Variants in ASCC3 observed in about 807,000 individuals in gnomAD.
ASCC3 encodes the protein ASC-1 complex subunit P200.
ASCC3 carries 158 observed loss-of-function variants against 256.3 expected under a neutral mutation model. The ratio of observed to expected loss-of-function variants is 0.62; its 90% CI spans 0.54 to 0.70. The LOEUF is 0.70. Among genes scored for constraint, ASCC3 ranks in the 30% least tolerant of loss-of-function variants. The pLI, the probability that ASCC3 is intolerant of heterozygous loss-of-function variation, is 0.00. For missense variants in ASCC3, 2,259 were observed against 2,626.0 expected, an observed-to-expected ratio of 0.86 and a Z score of 3.05; for synonymous variants, 948 against 883.4, an observed-to-expected ratio of 1.07 and a Z score of -1.30.
In ASCC3 at chr6:100,678,744, C is replaced by A. The variant is rs558518184; in HGVS notation, c.2286+874G>T. On this transcript the variant is annotated intron_variant, in intron 14 of 41. Transcript: ENST00000369162. ...AGCTTTAAATCAGGAAGTCAGCATA[C>A]TTTTTCTGCAAAGAAACAGAAAGTA... is the stretch of plus-strand genomic sequence containing the variant. 4.6e-5 allele frequency among the ~76,000 whole-genome samples: 7 copies of A among 152,130 alleles called. No homozygotes were observed. The East Asian group carries it at 1.4e-3, about 29-fold the overall frequency.
Position 100,509,499 on chromosome 6 carries a change from A to T in ASCC3, c.6496T>A (p.Tyr2166Asn). 1 of 1,613,906 alleles carries T rather than the reference A, an allele frequency of 6.2e-7. No individual in the cohort carries two copies. The highest frequency in any genetic ancestry group is 8.5e-7 in the Non-Finnish European group (1 of 1,179,724). ...IYTLYFMSDC[Y>N]LGLDQQYDIY... ...TCATACTGCTGGTCCAGGCCAAGGT[A>T]GCAGTCACTCATGAAATATAATGTG... Residue 2166 changes from tyrosine (Y) to asparagine (N), a missense_variant, in exon 42 of 42, where the codon TAC becomes AAC. By Grantham distance (143) the Tyr-to-Asn change is moderately radical. Coordinates refer to ENST00000369162, the MANE Select transcript of ASCC3 (RefSeq NM_006828.4).
intron 10 of ASCC3, among the ~76,000 whole-genome samples, chr6:100,736,809 C>T (rs190924100): frequency 1.1e-4 from 17 of 152,148 alleles, no homozygotes; most frequent in Admixed American, 9.2e-4. Flanking sequence ...GGCCTGGATC[C>T]TCATTTTTTC....
intron 2 of ASCC3, among the ~76,000 whole-genome samples, chr6:100,865,824 G>A (rs1190136965): frequency 6.6e-6 from 1 of 152,046 alleles, no homozygotes; most frequent in East Asian, 1.9e-4. Flanking sequence ...AATTGATAGA[G>A]CTTCAGGCCT....
At chr6:100,809,421 AG>A (rs1770351356) in intron 4 of ASCC3, among the ~76,000 whole-genome samples, 1 of 152,076 alleles carries the variant, frequency 6.6e-6, no homozygotes, top group South Asian at 2.1e-4. Flanking sequence ...ACATTAGCTT[AG>A]GCCTACATAA....
intron 13 of ASCC3, among the ~76,000 whole-genome samples, chr6:100,684,675 T>C (rs576785329): frequency 1.5e-4 from 23 of 152,296 alleles, no homozygotes; most frequent in Admixed American, 3.9e-4. Context: ...TGTGTATGTG[T>C]ATTTAACATC....
chr6:100,635,992 A>C (rs1419034314), intron 25 of ASCC3, among the ~76,000 whole-genome samples: 2 of 152,202 alleles, frequency 1.3e-5, no homozygotes, highest in Admixed American at 1.3e-4. Flanking sequence ...AATTGTAGAA[A>C]TCTTACAATG....
chr6:100,684,732 G>A (rs542481344), intron 13 of ASCC3, among the ~76,000 whole-genome samples: 2 of 151,890 alleles, frequency 1.3e-5, no homozygotes, highest in South Asian at 4.2e-4. Flanking sequence ...CTTTTTAAGG[G>A]GGTTGTGAAA....
intron 4 of ASCC3, among the ~76,000 whole-genome samples, chr6:100,823,162 T>C (rs1771135949): frequency 6.6e-6 from 1 of 152,184 alleles, no homozygotes; most frequent in African/African-American, 2.4e-5. Flanking sequence ...ATCCCAAAAT[T>C]ATGCTTCCCA....
intron 37 of ASCC3, among the ~76,000 whole-genome samples, chr6:100,539,280 G>A (rs1051818737): frequency 5.3e-5 from 8 of 152,050 alleles, no homozygotes; most frequent in Non-Finnish European, 8.8e-5. Flanking sequence ...TCAGATTCTA[G>A]TGTAGCATTA....
Position 100,608,159 on chromosome 6 carries a change from T to TA in ASCC3, c.4786-1072_4786-1071insT, listed in dbSNP as rs1582549549. On this transcript the variant is annotated intron_variant, in intron 30 of 41. Transcript: ENST00000369162. Reference sequence around the variant, plus strand: ...ATGTATATATATCTATATATACATATTTATATACATATTTATATATGTGTG... The same window carrying TA: ...ATGTATATATATCTATATATACATATATTATATACATATTTATATATGTGTG... 5.5e-4 allele frequency among the ~76,000 whole-genome samples: 68 copies of TA among 123,164 alleles called. 2 individuals are homozygous for TA. The highest frequency in any genetic ancestry group is 7.5e-4 in the Non-Finnish European group (46 of 61,536). The allele number at this position is 123,164 out of a possible 152,430, so 80.8% of individuals were successfully genotyped here. A position where few individuals can be genotyped will look rare whatever the true frequency, so the allele number is the denominator to read the frequency against.
In ASCC3 at chr6:100,572,008, T is replaced by A. The variant is rs902363344; in HGVS notation, c.5550+17626A>T. 3.3e-5 allele frequency among the ~76,000 whole-genome samples: 5 copies of A among 152,336 alleles called. 1 individual carries two copies. The South Asian group carries it at 8.3e-4, about 25-fold the overall frequency. On this transcript the variant is annotated intron_variant, in intron 36 of 41. Transcript: ENST00000369162. The stretch of plus-strand genomic sequence containing the variant: ...CACCACAAAAGATATAGCTCTGCAA[T>A]CTTTCTGCACATGGACTATTGACTC...
At chr6:100,870,617 G>GA (rs1384079598) in intron 1 of ASCC3, among the ~76,000 whole-genome samples, 1 of 152,100 alleles carries the variant, frequency 6.6e-6, no homozygotes, top group African/African-American at 2.4e-5. Context: ...GACAGCTGGG[G>GA]AAAAAACAGT....
chr6:100,547,688 G>T (rs1769050939), intron 36 of ASCC3, among the ~76,000 whole-genome samples: 1 of 152,002 alleles, frequency 6.6e-6, no homozygotes, highest in Non-Finnish European at 1.5e-5. Flanking sequence ...TGCATAGCTG[G>T]TGGGAATGTA....
At chr6:100,609,242 T>C (rs1229868858) in intron 30 of ASCC3, among the ~76,000 whole-genome samples, 1 of 151,972 alleles carries the variant, frequency 6.6e-6, no homozygotes, top group Non-Finnish European at 1.5e-5. Context: ...ATTTTTTAAA[T>C]TTAAATAATT....
At chr6:100,770,125 G>A (rs1781850052) in intron 8 of ASCC3, among the ~76,000 whole-genome samples, 1 of 151,656 alleles carries the variant, frequency 6.6e-6, no homozygotes, top group Admixed American at 6.6e-5. Flanking sequence ...CAATATAAAA[G>A]CCAAACAAAA....
In ASCC3 at chr6:100,748,646, G is replaced by A. The variant is rs150538818; in HGVS notation, c.1737+17919C>T. On this transcript the variant is annotated intron_variant, in intron 10 of 41. Coordinates refer to ENST00000369162, the MANE Select transcript of ASCC3 (RefSeq NM_006828.4). Reference sequence around the variant, plus strand: ...ACCACATCTTTCACACAATGTATTCGCCTGCTCAATATTCCTTTAAAATAT... The same window carrying A: ...ACCACATCTTTCACACAATGTATTCACCTGCTCAATATTCCTTTAAAATAT... Among the ~76,000 whole-genome samples the A allele has an allele frequency of 6.8e-4, 104 of 151,908 alleles. 1 individual carries two copies. The highest frequency in any genetic ancestry group is 2.3e-3 in the African/African-American group (97 of 41,468).
rs757042494 is a variant in ASCC3 at position 100,627,866 on chromosome 6, A to G, written c.4497T>C (p.Leu1499=). The G allele has an allele frequency of 1.9e-6, 3 of 1,613,762 alleles. No individual in the cohort carries two copies. The South Asian group carries it at 3.3e-5, about 18-fold the overall frequency. Residue 1499 remains leucine, a synonymous_variant, in exon 28 of 42, where the codon CTT becomes CTC. Transcript: ENST00000369162. ...CCTGCTTAATATTGAGCCAATCAGC[A>G]AGGTCTCTGGCATTAGCTAATGCAG... ...LSTALANARD[L]ADWLNIKQMG... is the part of the protein sequence containing the mutation.
At chr6:100,606,922 A>G (rs745977388) in intron 31 of ASCC3, 29 bp downstream of exon 31, 1 of 1,611,828 alleles carries the variant, frequency 6.2e-7, no homozygotes. Flanking sequence ...TTACATTTAA[A>G]TATGTGTTCA....
At chr6:100,737,583 T>C (rs1276771157) in intron 10 of ASCC3, among the ~76,000 whole-genome samples, 1 of 152,208 alleles carries the variant, frequency 6.6e-6, no homozygotes, top group Non-Finnish European at 1.5e-5. Context: ...GGCTGCACAG[T>C]ATTCCATGGT....
Sources: gnomAD v4.1 joint callset for allele counts (sites outside exome capture counted in the v4.1 genomes callset) on GRCh38, gnomAD v4.1.1 for gene constraint, MANE v1.5 for transcripts, NCBI Gene and HGNC (gene_info 2026-07-23, HGNC 2026-07-21) for gene names.